The following POPDC1 variants were observed in gnomAD, a reference collection of about 807,000 sequenced individuals.
The protein encoded by POPDC1 is popeye domain cAMP effector 1, also known as popeye domain-containing protein 1.
At chr6:105,106,672 T>C in the POPDC1 span, among the ~76,000 whole-genome samples, 1 of 152,174 alleles carries the variant, frequency 6.6e-6, no homozygotes, top group Non-Finnish European at 1.5e-5. Flanking sequence ...TGCATGTCCC[T>C]GAGGGTCACT....
the POPDC1 span, among the ~76,000 whole-genome samples, chr6:105,113,986 A>C: frequency 6.6e-6 from 1 of 150,854 alleles, no homozygotes; most frequent in Non-Finnish European, 1.5e-5. Flanking sequence ...AAAAACAAAC[A>C]AAAAAAAACA....
chr6:105,096,975 C>G, the POPDC1 span: 2 of 152,770 alleles, frequency 1.3e-5, no homozygotes, highest in South Asian at 4.1e-4. Context: ...CTATAAATGT[C>G]TGTATAAAGC....
At chr6:105,132,827 T>C in the POPDC1 span, among the ~76,000 whole-genome samples, 1 of 152,262 alleles carries the variant, frequency 6.6e-6, no homozygotes, top group Non-Finnish European at 1.5e-5. Context: ...CCAATGTTTC[T>C]TTACTGCCCA....
At chr6:105,096,903 C>G in the POPDC1 span, 6 of 152,732 alleles carry the variant, frequency 3.9e-5, no homozygotes, top group South Asian at 1.2e-3. Flanking sequence ...AGACAAAAAG[C>G]ATCTTTTTAT....
the POPDC1 span, chr6:105,116,675 A>G: frequency 6.5e-7 from 1 of 1,529,626 alleles, no homozygotes; most frequent in Non-Finnish European, 8.8e-7. Flanking sequence ...TATTTATTTA[A>G]CAAAATAAAC....
chr6:105,128,561 A>ATACAT, the POPDC1 span, among the ~76,000 whole-genome samples: 5 of 152,228 alleles, frequency 3.3e-5, no homozygotes, highest in Admixed American at 2.6e-4. Flanking sequence ...TAACCTGGAA[A>ATACAT]AAACTGAATA....
the POPDC1 span, among the ~76,000 whole-genome samples, chr6:105,105,708 T>G: frequency 6.7e-6 from 1 of 150,232 alleles, no homozygotes; most frequent in South Asian, 2.2e-4. Context: ...TGAACATTAA[T>G]AAATAACTTC....
chr6:105,117,911 T>C, the POPDC1 span, among the ~76,000 whole-genome samples: 1 of 152,070 alleles, frequency 6.6e-6, no homozygotes, highest in African/African-American at 2.4e-5. Flanking sequence ...ATGGACATGG[T>C]GGCATGTGCC....
the POPDC1 span, among the ~76,000 whole-genome samples, chr6:105,132,383 A>C: frequency 7.2e-5 from 11 of 152,274 alleles, no homozygotes; most frequent in African/African-American, 2.6e-4. Context: ...AATCCTGCTC[A>C]TCTTCCAAAA....
the POPDC1 span, among the ~76,000 whole-genome samples, chr6:105,116,030 TTAG>T: frequency 2.2e-3 from 340 of 152,258 alleles, 2 homozygotes; most frequent in Admixed American, 4.9e-3. Context: ...TCAAATATAC[TTAG>T]TAGCCTATTT....
the POPDC1 span, among the ~76,000 whole-genome samples, chr6:105,122,304 G>A: frequency 2.0e-5 from 3 of 152,106 alleles, no homozygotes; most frequent in African/African-American, 7.2e-5. Context: ...AGGAAAAGCT[G>A]AACACATTTT....
chr6:105,101,223 G>A, the POPDC1 span: 3 of 1,600,702 alleles, frequency 1.9e-6, no homozygotes, highest in Non-Finnish European at 2.6e-6. Context: ...TCTGTGGAAA[G>A]ATACAGGAGG....
the POPDC1 span, chr6:105,115,624 T>C: frequency 6.4e-7 from 1 of 1,557,216 alleles, no homozygotes; most frequent in Non-Finnish European, 8.7e-7. Flanking sequence ...AAGTTGTCAT[T>C]TGTCTATGTC....
the POPDC1 span, among the ~76,000 whole-genome samples, chr6:105,110,561 A>C: frequency 6.6e-6 from 1 of 152,212 alleles, no homozygotes. Flanking sequence ...AGGTAAATAA[A>C]TATAGAAGAG....
the POPDC1 span, chr6:105,137,123 C>A: frequency 6.6e-6 from 1 of 151,844 alleles, no homozygotes; most frequent in South Asian, 2.1e-4. Flanking sequence ...CTCCGCTGCC[C>A]GGGCCGGGTC....
chr6:105,113,947 C>T, the POPDC1 span, among the ~76,000 whole-genome samples: 2 of 151,076 alleles, frequency 1.3e-5, no homozygotes, highest in African/African-American at 2.4e-5. Context: ...CCCCGCCACA[C>T]ACACACACAA....
the POPDC1 span, chr6:105,117,018 A>G: frequency 1.3e-6 from 1 of 786,850 alleles, no homozygotes; most frequent in Non-Finnish European, 1.9e-6. Flanking sequence ...AATGCACACA[A>G]GCTTCTACAC....
At chr6:105,105,271 C>A in the POPDC1 span, among the ~76,000 whole-genome samples, 1 of 152,208 alleles carries the variant, frequency 6.6e-6, no homozygotes, top group Non-Finnish European at 1.5e-5. Context: ...CACAGCCCAA[C>A]CTGTCACTTC....
chr6:105,103,675 A>G, the POPDC1 span, among the ~76,000 whole-genome samples: 3 of 152,304 alleles, frequency 2.0e-5, no homozygotes, highest in East Asian at 3.9e-4. Flanking sequence ...ACAGAAACAT[A>G]CCCAGTTTAT....
Sources: allele counts gnomAD v4.1 joint callset (sites outside exome capture counted in the v4.1 genomes callset), GRCh38; gene constraint gnomAD v4.1.1; transcripts MANE v1.5; gene names NCBI Gene and HGNC (gene_info 2026-07-23, HGNC 2026-07-21).